The following BEND3 variants were observed in gnomAD, a reference collection of about 807,000 sequenced individuals.
BEND3 encodes BEN domain-containing protein 3.
Under a neutral mutation model 60.1 loss-of-function variants are expected in BEND3, and 13 were observed. That is an observed-to-expected ratio of 0.22 (90% CI 0.14 to 0.34). BEND3 has a LOEUF of 0.34. BEND3 is among the 10% of genes least tolerant of loss of function. The pLI is 1.00. For missense variants in BEND3, 896 were observed against 1,138.1 expected (o/e 0.79, Z 3.06); for synonymous variants, 497 against 491.5 (o/e 1.01, Z -0.15).
At chr6:107,073,123 T>C (rs1003447050) in intron 3 of BEND3, among the ~76,000 whole-genome samples, 2 of 149,048 alleles carry the variant, frequency 1.3e-5, no homozygotes, top group Non-Finnish European at 3.0e-5. Context: ...ACTCCCTTAG[T>C]GACCTTATAA....
chr6:107,081,469 G>A (rs782193116), intron 3 of BEND3, among the ~76,000 whole-genome samples: 24 of 146,678 alleles, frequency 1.6e-4, no homozygotes, highest in Non-Finnish European at 3.2e-4. Flanking sequence ...TGATCCACCC[G>A]CCTCGGCCTC....
At chr6:107,071,964 G>T (rs1028790688) in intron 3 of BEND3, among the ~76,000 whole-genome samples, 1 of 152,192 alleles carries the variant, frequency 6.6e-6, no homozygotes, top group African/African-American at 2.4e-5. Flanking sequence ...TGGTAGACAC[G>T]TGTCAAAACG....
intron 1 of BEND3, among the ~76,000 whole-genome samples, chr6:107,109,212 G>A (rs1056784130): frequency 2.4e-4 from 37 of 151,906 alleles, no homozygotes; most frequent in Non-Finnish European, 8.8e-5. Flanking sequence ...CACTTTGGGA[G>A]GCCGAGGTGG....
intron 3 of BEND3, among the ~76,000 whole-genome samples, chr6:107,073,323 C>T (rs1259195799): frequency 4.8e-5 from 7 of 146,178 alleles, no homozygotes; most frequent in African/African-American, 1.5e-4. Context: ...CCCACCCCTC[C>T]CCTCTACAGC....
chr6:107,071,522 G>A (rs1774981988), intron 3 of BEND3, among the ~76,000 whole-genome samples: 1 of 152,194 alleles, frequency 6.6e-6, no homozygotes. Context: ...CTGGGCTGTG[G>A]AGAGCGGCTG....
chr6:107,089,510 C>T (rs1315159046), intron 3 of BEND3, among the ~76,000 whole-genome samples: 3 of 150,634 alleles, frequency 2.0e-5, no homozygotes, highest in African/African-American at 7.3e-5. Flanking sequence ...GGTGTGAACC[C>T]AGGAGGCGGA....
At chr6:107,073,318 C>G (rs1198940619) in intron 3 of BEND3, among the ~76,000 whole-genome samples, 2 of 144,378 alleles carry the variant, frequency 1.4e-5, no homozygotes, top group Non-Finnish European at 3.0e-5. Flanking sequence ...CACTCCCCAC[C>G]CCTCCCCTCT....
chr6:107,072,089 G>A (rs534192769), intron 3 of BEND3, among the ~76,000 whole-genome samples: 7 of 152,320 alleles, frequency 4.6e-5, no homozygotes, highest in Non-Finnish European at 1.5e-5. Flanking sequence ...ATGTATATTT[G>A]AGTTTTAGGA....
At chr6:107,074,974 G>A (rs887974219) in intron 3 of BEND3, among the ~76,000 whole-genome samples, 12 of 151,996 alleles carry the variant, frequency 7.9e-5, no homozygotes, top group African/African-American at 2.2e-4. Context: ...GGTAGCACAC[G>A]CCTGTAGTCC....
At position 107,094,010 on chromosome 6, in the gene BEND3, A is replaced by G. The variant is rs562964121; in HGVS notation, c.240+4541T>C. 1.2e-4 allele frequency among the ~76,000 whole-genome samples: 18 copies of G among 152,374 alleles called. No individual in the cohort carries two copies. In the South Asian group the frequency reaches 3.3e-3, roughly 28 times the overall value. On this transcript the variant is annotated intron_variant, in intron 3 of 3. Transcript: ENST00000369042. The stretch of plus-strand genomic sequence containing the variant: ...ACCTGATAAAGGACTATTAATCAAA[A>G]TACAGGACTGTTAATCAAAATATAT...
At chr6:107,101,178 G>A (rs1554236718) in intron 1 of BEND3, among the ~76,000 whole-genome samples, 1 of 152,126 alleles carries the variant, frequency 6.6e-6, no homozygotes. Context: ...CCCCAGCCTG[G>A]GTGACAGAGT....
rs1386155206 is a variant in BEND3, at chr6:107,068,829, A to G, written c.2362T>C (p.Tyr788His). The change falls in exon 4 of 4, where the codon TAC (tyrosine) becomes CAC (histidine). Residue 788 changes from tyrosine (Y) to histidine (H), a missense_variant. Tyr to His is a moderately conservative substitution (Grantham distance 83, BLOSUM62 2). Transcript: ENST00000369042. This position sits in a 1 kb window ranked among gnomAD's most constrained non-coding sequence, Gnocchi z 5.8. ...ACCTCCTCCATCTTCTCCACCGGGT[A>G]GACGGCTTCCACGTAGTGGCGGATG... Reference protein sequence around the residue: ...RLIRHYVEAVYPVEKMEEVWH... With the variant: ...RLIRHYVEAVHPVEKMEEVWH... 2 of 1,614,114 alleles carry G rather than the reference A, an allele frequency of 1.2e-6. No homozygotes were observed. Among genetic ancestry groups the G allele is most frequent in the African/African-American group, 1.3e-5 (1 of 75,056 alleles).
chr6:107,098,790 C>A lies in BEND3; in HGVS notation c.38-37G>T, dbSNP rs781947848. ...AAGAAATAGGGCTCAGTGGGAAAAA[C>A]CAGGGCTGCTCAGAGATCAGCAGGG... On this transcript the variant is annotated intron_variant, in intron 2 of 3. Coordinates refer to ENST00000369042, the MANE Select transcript of BEND3 (RefSeq NM_001367314.1). 6.0e-5 allele frequency: 95 copies of A among 1,580,600 alleles called. No homozygotes were observed. The South Asian group carries it at 9.9e-4, about 16-fold the overall frequency.
intron 1 of BEND3, among the ~76,000 whole-genome samples, chr6:107,105,652 C>G (rs1554237387): frequency 6.6e-6 from 1 of 152,168 alleles, no homozygotes; most frequent in Non-Finnish European, 1.5e-5. Flanking sequence ...GCCGGGGAGT[C>G]ACACAGGACA....
At chr6:107,082,303 C>T (rs945923301) in intron 3 of BEND3, among the ~76,000 whole-genome samples, 4 of 152,212 alleles carry the variant, frequency 2.6e-5, no homozygotes, top group Admixed American at 1.3e-4. Context: ...ATCCCAGCCA[C>T]TCATTCCAGG....
chr6:107,090,150 A>G (rs1582658426), intron 3 of BEND3, among the ~76,000 whole-genome samples: 1 of 151,892 alleles, frequency 6.6e-6, no homozygotes, highest in Admixed American at 6.6e-5. Context: ...GGAGTTCAAG[A>G]CCATCCTGGC....
rs184769807 is a variant in BEND3, at chr6:107,073,161, C to G, written c.241-2211G>C. ...GGACTCGTAAGTGCATTAGTTATCA[C>G]AGAGCTGGCCAATACTTCCTTCAGG... On this transcript the variant is annotated intron_variant, in intron 3 of 3. Transcript: ENST00000369042. 2.1e-4 allele frequency among the ~76,000 whole-genome samples: 29 copies of G among 138,230 alleles called. No individual in the cohort carries two copies. In the East Asian group the frequency reaches 6.5e-3, roughly 31 times the overall value. 90.7% of individuals were successfully genotyped at this position (138,230 alleles called of 152,430 possible).
Position 107,085,893 on chromosome 6 carries a change from TCTC to T in BEND3, c.240+12655_240+12657del, listed in dbSNP as rs539027564. 4.0e-5 allele frequency among the ~76,000 whole-genome samples: 6 copies of T among 151,888 alleles called. No individual in the cohort carries two copies. The South Asian group carries it at 1.2e-3, about 32-fold the overall frequency. ...GCTCCGCCTCCTGAGTTCACGCCAT[TCTC>T]CTGTCTCAGCCTCCCAAGTAGCTGG... On this transcript the variant is annotated intron_variant, in intron 3 of 3. Transcript: ENST00000369042.
chr6:107,070,493 G>C lies in BEND3; in HGVS notation c.698C>G (p.Pro233Arg), dbSNP rs186366280. 1.9e-6 allele frequency: 3 copies of C among 1,614,104 alleles called. No homozygotes were observed. Among genetic ancestry groups the C allele is most frequent in the East Asian group, 4.5e-5 (2 of 44,878 alleles). ...EVSRIKKQVS[P>R]TEMVAKFQPP... is the part of the protein sequence containing the mutation. ...CTGGAATTTGGCCACCATCTCAGTG[G>C]GGCTCACCTGCTTCTTGATGCGGCT... The change falls in exon 4 of 4, where the codon CCC (proline) becomes CGC (arginine). Residue 233 changes from proline (P) to arginine (R), a missense_variant. Around this residue, in one of 4 missense-constraint regions of BEND3, gnomAD observed 846 missense variants for 1,036.7 expected, o/e 0.82. Transcript: ENST00000369042. The surrounding 1 kb of genome is among the most constrained non-coding windows in gnomAD (Gnocchi z 6.9).
Sources: allele counts gnomAD v4.1 joint callset (sites outside exome capture counted in the v4.1 genomes callset), GRCh38; gene constraint gnomAD v4.1.1; regional missense constraint gnomAD v4.1.1; non-coding constraint Gnocchi (gnomAD v3.1); transcripts MANE v1.5; gene names NCBI Gene and HGNC (gene_info 2026-07-23, HGNC 2026-07-21).